ST6GALNAC3: variants seen among roughly 807,000 people sequenced by gnomAD.
ST6GALNAC3 encodes the protein alpha-N-acetylgalactosaminide alpha-2,6-sialyltransferase 3.
Under a neutral mutation model 32.7 loss-of-function variants are expected in ST6GALNAC3, and 25 were observed. That is an observed-to-expected ratio of 0.76 (90% CI 0.56 to 1.07). ST6GALNAC3 has a LOEUF of 1.07. Among genes scored for constraint, ST6GALNAC3 ranks in the 50% least tolerant of loss-of-function variants. The probability of loss-of-function intolerance (pLI) is 0.00; values close to 1 mark genes in which losing one functional copy is unlikely to be tolerated. For synonymous variants in ST6GALNAC3, 129 were observed against 133.1 expected (o/e 0.97, Z 0.21); for missense variants, 355 against 382.4 (o/e 0.93, Z 0.60).
At chr1:76,196,877 A>G (rs953955993) in intron 1 of ST6GALNAC3, among the ~76,000 whole-genome samples, 4 of 150,930 alleles carry the variant, frequency 2.7e-5, no homozygotes, top group African/African-American at 9.8e-5. Flanking sequence ...ATGTATGGAA[A>G]GTGATGTCTA....
At chr1:76,480,742 A>T (rs1357526111) in intron 3 of ST6GALNAC3, among the ~76,000 whole-genome samples, 1 of 152,172 alleles carries the variant, frequency 6.6e-6, no homozygotes, top group Non-Finnish European at 1.5e-5. Flanking sequence ...TATGACAGAG[A>T]TGATAGAGGT....
In ST6GALNAC3 at chr1:76,588,600, A is replaced by G. The variant is rs547987709; in HGVS notation, c.624-38852A>G. Among the ~76,000 whole-genome samples, 85 of 152,272 alleles carry G rather than the reference A, an allele frequency of 5.6e-4. 2 individuals carry two copies. The highest frequency in any genetic ancestry group is 1.7e-3 in the African/African-American group (71 of 41,548). On this transcript the variant is annotated intron_variant, in intron 3 of 4. Coordinates refer to ENST00000328299, the MANE Select transcript of ST6GALNAC3 (RefSeq NM_152996.4). ...CCCTTCCTCTACTCTGCTGTCAATC[A>G]CAGGAAACACCATTTGGGGGCTCCC...
intron 1 of ST6GALNAC3, among the ~76,000 whole-genome samples, chr1:76,075,326 C>G (rs770743398): frequency 6.6e-6 from 1 of 152,110 alleles, no homozygotes; most frequent in African/African-American, 2.4e-5. Context: ...GAGGTGGGCT[C>G]TACTGTGCAT....
At chr1:76,361,221 C>A in intron 2 of ST6GALNAC3, among the ~76,000 whole-genome samples, 1 of 152,056 alleles carries the variant, frequency 6.6e-6, no homozygotes, top group East Asian at 1.9e-4. Flanking sequence ...TAAACAACTC[C>A]CCATTCCCCT....
chr1:76,223,996 CCTAA>C (rs1655925944), intron 1 of ST6GALNAC3, among the ~76,000 whole-genome samples: 1 of 152,150 alleles, frequency 6.6e-6, no homozygotes, highest in Non-Finnish European at 1.5e-5. Flanking sequence ...TTTAGAATAT[CCTAA>C]CTCTTTAGTA....
chr1:76,380,713 C>T (rs1203129606), intron 2 of ST6GALNAC3, among the ~76,000 whole-genome samples: 2 of 152,050 alleles, frequency 1.3e-5, no homozygotes, highest in African/African-American at 4.8e-5. Flanking sequence ...GACAAAGAAG[C>T]ATAGTGTTTG....
intron 1 of ST6GALNAC3, among the ~76,000 whole-genome samples, chr1:76,129,545 T>G (rs1438554222): frequency 2.6e-5 from 4 of 152,198 alleles, no homozygotes; most frequent in Non-Finnish European, 5.9e-5. Flanking sequence ...GTCCCTTCTT[T>G]AACTGTTGAT....
chr1:76,349,487 A>G (rs1234004709), intron 2 of ST6GALNAC3, among the ~76,000 whole-genome samples: 1 of 152,180 alleles, frequency 6.6e-6, no homozygotes, highest in East Asian at 1.9e-4. Flanking sequence ...CTTTCCAAGA[A>G]AAAACACCCT....
chr1:76,116,756 C>T (rs1648509018), intron 1 of ST6GALNAC3, among the ~76,000 whole-genome samples: 1 of 152,114 alleles, frequency 6.6e-6, no homozygotes, highest in South Asian at 2.1e-4. Flanking sequence ...CATGGCAAAA[C>T]CCCGTCTATA....
chr1:76,566,609 C>T (rs1665569955), intron 3 of ST6GALNAC3, among the ~76,000 whole-genome samples: 2 of 152,104 alleles, frequency 1.3e-5, no homozygotes, highest in Admixed American at 6.5e-5. Context: ...GTGTCTCACT[C>T]CATCGATTCC....
chr1:76,171,911 G>A (rs1462511858), intron 1 of ST6GALNAC3, among the ~76,000 whole-genome samples: 3 of 150,112 alleles, frequency 2.0e-5, no homozygotes, highest in African/African-American at 7.3e-5. Flanking sequence ...GAAATACAAA[G>A]AGGAACTAGT....
intron 3 of ST6GALNAC3, among the ~76,000 whole-genome samples, chr1:76,510,943 T>C (rs566198444): frequency 8.5e-5 from 13 of 152,168 alleles, no homozygotes; most frequent in Non-Finnish European, 1.6e-4. Flanking sequence ...TGCATAATCA[T>C]AAAATTAAAA....
chr1:76,389,454 C>T (rs1324832100), intron 2 of ST6GALNAC3, among the ~76,000 whole-genome samples: 1 of 152,176 alleles, frequency 6.6e-6, no homozygotes, highest in Non-Finnish European at 1.5e-5. Context: ...AAGCAGTTTC[C>T]TCCAGGTTTC....
intron 1 of ST6GALNAC3, among the ~76,000 whole-genome samples, chr1:76,113,300 C>T (rs1648211360): frequency 1.4e-5 from 2 of 140,422 alleles, no homozygotes; most frequent in Non-Finnish European, 3.1e-5. Context: ...TACAGTCCAG[C>T]TTCCGCTCGG....
intron 1 of ST6GALNAC3, among the ~76,000 whole-genome samples, chr1:76,276,961 G>T (rs1345764316): frequency 6.6e-6 from 1 of 152,080 alleles, no homozygotes; most frequent in Non-Finnish European, 1.5e-5. Context: ...CATCTTTTGT[G>T]AAATGTCTGT....
intron 3 of ST6GALNAC3, among the ~76,000 whole-genome samples, chr1:76,467,261 A>G (rs1356620453): frequency 6.6e-6 from 1 of 152,028 alleles, no homozygotes; most frequent in African/African-American, 2.4e-5. Flanking sequence ...AACATGATGA[A>G]GCAGTGTAGC....
chr1:76,503,977 T>C (rs988946415), intron 3 of ST6GALNAC3, among the ~76,000 whole-genome samples: 1 of 152,150 alleles, frequency 6.6e-6, no homozygotes, highest in African/African-American at 2.4e-5. Context: ...GGGTTTTTTA[T>C]CTCTATATGG....
rs1571462127 is a variant in ST6GALNAC3, at chr1:76,509,502, A to G, written c.623+97085A>G. On this transcript the variant is annotated intron_variant, in intron 3 of 4. Coordinates refer to ENST00000328299, the MANE Select transcript of ST6GALNAC3 (RefSeq NM_152996.4). This position sits in a 1 kb window ranked among gnomAD's most constrained non-coding sequence, Gnocchi z 5.5. ...TTCTTGAGGTATTGAATCTACATGA[A>G]AGGGATGGAATAAACTGGAAATGAT... Among the ~76,000 whole-genome samples the G allele has an allele frequency of 6.6e-6, 1 of 152,224 alleles. No homozygotes were observed. The highest frequency in any genetic ancestry group is 1.5e-5 in the Non-Finnish European group (1 of 67,990).
chr1:76,416,281 C>A (rs1233473459), intron 3 of ST6GALNAC3, among the ~76,000 whole-genome samples: 1 of 152,052 alleles, frequency 6.6e-6, no homozygotes, highest in Non-Finnish European at 1.5e-5. Context: ...TCACTGAAGT[C>A]ATGAGGAAAT....
Sources: gnomAD v4.1 joint callset for allele counts (sites outside exome capture counted in the v4.1 genomes callset) on GRCh38, gnomAD v4.1.1 for gene constraint, Gnocchi (gnomAD v3.1) non-coding constraint, MANE v1.5 for transcripts, NCBI Gene and HGNC (gene_info 2026-07-23, HGNC 2026-07-21) for gene names.